SCN1B: variants seen among roughly 807,000 people sequenced by gnomAD.
SCN1B encodes sodium voltage-gated channel beta subunit 1.
A neutral mutation model predicts 25.7 loss-of-function variants in SCN1B; 11 were observed. That is an observed-to-expected ratio of 0.43 (90% confidence interval 0.27 to 0.71). The LOEUF is 0.71. Ranked by LOEUF, SCN1B falls within the 30% of genes least tolerant of loss-of-function variation. SCN1B has a pLI of 0.21. For synonymous variants in SCN1B, 119 were observed against 117.5 expected, an observed-to-expected ratio of 1.01 and a Z score of -0.08; for missense variants, 224 against 291.5, an observed-to-expected ratio of 0.77 and a Z score of 1.69.
intron 3 of SCN1B, chr19:35,038,407 C>T (rs769971753): frequency 1.3e-5 from 2 of 155,664 alleles, no homozygotes; most frequent in Admixed American, 6.2e-5. Flanking sequence ...AACACTTCAG[C>T]AGTGCTGGCT....
chr19:35,036,326 CATT>C (rs1270803769), intron 3 of SCN1B: 1 of 152,044 alleles, frequency 6.6e-6, no homozygotes, highest in East Asian at 1.9e-4. Flanking sequence ...CTATATTCAT[CATT>C]ACCTCTGATA....
rs1555720743 is a variant in SCN1B, at chr19:35,033,638, C to T, written c.347C>T (p.Ser116Leu). The T allele has an allele frequency of 1.9e-6, 3 of 1,614,202 alleles. No homozygotes were observed. The highest frequency in any genetic ancestry group is 2.2e-5 in the East Asian group (1 of 44,890). The stretch of plus-strand genomic sequence containing the variant: ...ATCACCAATGTCACCTACAACCACT[C>T]GGGCGACTACGAGTGCCACGTCTAC... ...IFITNVTYNH[S>L]GDYECHVYRL... The change falls in exon 3 of 6, where the codon TCG (serine) becomes TTG (leucine). Residue 116 changes from serine to leucine, a missense_variant. This residue lies in a region of SCN1B where 126 missense variants were observed against 204.9 expected (regional missense o/e 0.61). Transcript: ENST00000262631.
At chr19:35,033,294 G>T (rs2064225968) in intron 2 of SCN1B, among the ~76,000 whole-genome samples, 1 of 152,080 alleles carries the variant, frequency 6.6e-6, no homozygotes. Flanking sequence ...TGTGCATCTT[G>T]GCTAGAGGCA....
chr19:35,030,786 GC>G lies in SCN1B; in HGVS notation c.-32del. The G allele has an allele frequency of 1.1e-6, 1 of 938,172 alleles. No individual in the cohort carries two copies. The highest frequency in any genetic ancestry group is 3.5e-5 in the Admixed American group (1 of 28,546). 58.1% of individuals were successfully genotyped at this position (938,172 alleles called of 1,614,324 possible). A position where few individuals can be genotyped will look rare whatever the true frequency, so the allele number is the denominator to read the frequency against. ...TCTCGCCCCGCTATTAATACCGGCG[GC>G]CCGGGAGGGGGGCGCAGCACGCGCC... On this transcript the variant is annotated 5_prime_UTR_variant, in exon 1 of 6. Coordinates refer to ENST00000262631, the MANE Select transcript of SCN1B (RefSeq NM_001037.5).
chr19:35,036,267 A>C (rs973618119), intron 3 of SCN1B: 2 of 152,026 alleles, frequency 1.3e-5, no homozygotes, highest in African/African-American at 4.8e-5. Flanking sequence ...ATAGTATTTC[A>C]AAAATTAATC....
Position 35,032,470 on chromosome 19 carries a change from C to T in SCN1B, c.41-58C>T, listed in dbSNP as rs1208875359. 1 of 1,597,258 alleles carries T rather than the reference C, an allele frequency of 6.3e-7. No homozygotes were observed. The highest frequency in any genetic ancestry group is 1.7e-5 in the Admixed American group (1 of 59,990). On this transcript the variant is annotated intron_variant, in intron 1 of 5. Transcript: ENST00000262631. The surrounding 1 kb of genome is among the most constrained non-coding windows in gnomAD (Gnocchi z 4.3). ...GGGGAACAGATGGTTTGTGAGGGGT[C>T]TGGCATTGCTTAGGGCAATGGGTGC...
chr19:35,033,451 G>C, intron 2 of SCN1B, 48 bp from the exon 3 acceptor site: 1 of 1,611,560 alleles, frequency 6.2e-7, no homozygotes, highest in Non-Finnish European at 8.5e-7. Context: ...TCAGGTAAGG[G>C]AAGAGAGGCC....
chr19:35,038,270 GC>G (rs923811373), intron 3 of SCN1B: 2 of 152,164 alleles, frequency 1.3e-5, no homozygotes, highest in Admixed American at 6.5e-5. Context: ...CACCAGAGTG[GC>G]TTTTGACTCT....
Position 35,030,764 on chromosome 19 carries a change from C to T in SCN1B, c.-57C>T. 1 of 627,796 alleles carries T rather than the reference C, an allele frequency of 1.6e-6. No individual in the cohort carries two copies. Among genetic ancestry groups the T allele is most frequent in the Non-Finnish European group, 2.4e-6 (1 of 417,332 alleles). The allele number at this position is 627,796 out of a possible 1,614,324, so 38.9% of individuals were successfully genotyped here. A position where few individuals can be genotyped will look rare whatever the true frequency, so the allele number is the denominator to read the frequency against. Reference sequence around the variant, plus strand: ...ACCGCCGCCAGGTCCCGCCGCCTCTCGCCCCGCTATTAATACCGGCGGCCC... The same window carrying T: ...ACCGCCGCCAGGTCCCGCCGCCTCTTGCCCCGCTATTAATACCGGCGGCCC... On this transcript the variant is annotated 5_prime_UTR_variant, in exon 1 of 6. Transcript: ENST00000262631.
Position 35,034,256 on chromosome 19 carries a change from C to T in SCN1B, c.448+517C>T. The T allele has an allele frequency of 2.3e-6, 3 of 1,328,754 alleles. No homozygotes were observed. In the South Asian group the frequency reaches 4.3e-5, roughly 19 times the overall value. 82.3% of individuals were successfully genotyped at this position (1,328,754 alleles called of 1,614,324 possible). A position where few individuals can be genotyped will look rare whatever the true frequency, so the allele number is the denominator to read the frequency against. On this transcript the variant is annotated intron_variant, in intron 3 of 5. Transcript: ENST00000262631. ...GTGGTGATGAGGCAAGAGAGCGTGC[C>T]ACCTAGAGCAGAGTTCCGCACACCC... is the stretch of plus-strand genomic sequence containing the variant.
At chr19:35,039,572 AT>A in intron 4 of SCN1B, 62 bp from the exon 5 acceptor site, 4 of 1,541,082 alleles carry the variant, frequency 2.6e-6, no homozygotes, top group Non-Finnish European at 2.7e-6. Flanking sequence ...ACCTTCCCCC[AT>A]CCCCCGGGGG....
At chr19:35,039,731 G>C in intron 5 of SCN1B, 25 bp downstream of exon 5, 1 of 1,612,388 alleles carries the variant, frequency 6.2e-7, no homozygotes, top group Non-Finnish European at 8.5e-7. Flanking sequence ...CTGGCAGAGG[G>C]GAAGGGGATT....
chr19:35,030,877 C>T lies in SCN1B; in HGVS notation c.40+17C>T, dbSNP rs751243472. ...CGGCACTGGGTGAGTGCGCGGGGGG[C>T]GCGCGCGGCCGGGGGGCACCGCGGG... On this transcript the variant is annotated intron_variant, in intron 1 of 5. Transcript: ENST00000262631. 6 of 623,490 alleles carry T rather than the reference C, an allele frequency of 9.6e-6. No individual in the cohort carries two copies. Among genetic ancestry groups the T allele is most frequent in the Non-Finnish European group, 1.3e-5 (6 of 474,080 alleles). 38.6% of individuals were successfully genotyped at this position (623,490 alleles called of 1,614,324 possible).
chr19:35,038,122 T>G (rs1436700607), intron 3 of SCN1B: 1 of 152,090 alleles, frequency 6.6e-6, no homozygotes, highest in African/African-American at 2.4e-5. Flanking sequence ...TGGTGCCATC[T>G]GCACAGGGTG....
Position 35,033,597 on chromosome 19 carries a change from G to A in SCN1B, c.306G>A (p.Gln102=). 6.2e-7 allele frequency: 1 copy of A among 1,614,126 alleles called. No homozygotes were observed. The highest frequency in any genetic ancestry group is 1.1e-5 in the South Asian group (1 of 91,064). ...WNGSRGTKDL[Q]DLSIFITNVT... Reference sequence around the variant, plus strand: ...GCAGCCGGGGCACCAAAGACCTGCAGGATCTGTCTATCTTCATCACCAATG... The same window carrying A: ...GCAGCCGGGGCACCAAAGACCTGCAAGATCTGTCTATCTTCATCACCAATG... Residue 102 remains glutamine, a synonymous_variant, in exon 3 of 6, where the codon CAG becomes CAA. Transcript: ENST00000262631.
chr19:35,032,229 C>A lies in SCN1B; in HGVS notation c.41-299C>A, dbSNP rs1275506296. 3.3e-5 allele frequency among the ~76,000 whole-genome samples: 5 copies of A among 152,212 alleles called. No homozygotes were observed. The highest frequency in any genetic ancestry group is 7.3e-5 in the Non-Finnish European group (5 of 68,038). On this transcript the variant is annotated intron_variant, in intron 1 of 5. Transcript: ENST00000262631. The surrounding 1 kb of genome is among the most constrained non-coding windows in gnomAD (Gnocchi z 4.3). ...CTCGGGTAGCATAAAGTCTGAGTTA[C>A]CGGCAACGTTGACAGTCCCACTTAT...
rs1416962977 is a variant in SCN1B at position 35,039,905 on chromosome 19, C to G, written c.*114C>G. On this transcript the variant is annotated 3_prime_UTR_variant, in exon 6 of 6. Transcript: ENST00000262631. ...CCTGGGCCCCAGAAAGCCTCAGAGT[C>G]CTGCCGACGGAGCCACTGGGGTGGG... is the stretch of plus-strand genomic sequence containing the variant. 1 of 615,172 alleles carries G rather than the reference C, an allele frequency of 1.6e-6. No homozygotes were observed. The highest frequency in any genetic ancestry group is 2.9e-6 in the Non-Finnish European group (1 of 349,830). The allele number at this position is 615,172 out of a possible 1,614,324, so 38.1% of individuals were successfully genotyped here.
In SCN1B at chr19:35,034,183, G is replaced by A. The variant is rs375266320; in HGVS notation, c.448+444G>A. The A allele has an allele frequency of 2.0e-4, 316 of 1,542,304 alleles. No homozygotes were observed. In the East Asian group the frequency reaches 4.3e-3, roughly 21 times the overall value. ...CCAGCAGAGCCTTGCAGGTGGTGGC[G>A]AGGGTGGCGGTTCTTACTGTTCGAG... On this transcript the variant is annotated intron_variant, in intron 3 of 5. Transcript: ENST00000262631.
At position 35,030,723 on chromosome 19, in the gene SCN1B, T is replaced by G; in HGVS notation, c.-98T>G. 1 of 323,620 alleles carries G rather than the reference T, an allele frequency of 3.1e-6. No homozygotes were observed. Among genetic ancestry groups the G allele is most frequent in the Non-Finnish European group, 5.8e-6 (1 of 173,072 alleles). 20.0% of individuals were successfully genotyped at this position (323,620 alleles called of 1,614,324 possible). ...AGCCGCAGCTGCTGCGCCCGCGCGC[T>G]CCCGGGGACATTCTAACCGCCGCCA... On this transcript the variant is annotated 5_prime_UTR_variant, in exon 1 of 6. Coordinates refer to ENST00000262631, the MANE Select transcript of SCN1B (RefSeq NM_001037.5).
Sources: allele counts gnomAD v4.1 joint callset (sites outside exome capture counted in the v4.1 genomes callset), GRCh38; gene constraint gnomAD v4.1.1; regional missense constraint gnomAD v4.1.1; non-coding constraint Gnocchi (gnomAD v3.1); transcripts MANE v1.5; gene names NCBI Gene and HGNC (gene_info 2026-07-23, HGNC 2026-07-21).